EPC2: variants seen among roughly 807,000 people sequenced by gnomAD.
EPC2 encodes the protein enhancer of polycomb 2.
Under a neutral mutation model 92.1 loss-of-function variants are expected in EPC2, and 14 were observed. That is an observed-to-expected ratio of 0.15 (90% confidence interval 0.10 to 0.24). EPC2 has a LOEUF of 0.24. Ranked by LOEUF, EPC2 falls within the 10% of genes least tolerant of loss-of-function variation. The probability of loss-of-function intolerance (pLI) is 1.00; values close to 1 mark genes in which losing one functional copy is unlikely to be tolerated. For synonymous variants in EPC2, 340 were observed against 334.7 expected, an observed-to-expected ratio of 1.02 and a Z score of -0.17; for missense variants, 755 against 971.5, an observed-to-expected ratio of 0.78 and a Z score of 2.96.
intron 2 of EPC2, chr2:148,691,408 C>G (rs534722595): frequency 9.2e-7 from 1 of 1,090,086 alleles, no homozygotes. Flanking sequence ...ATGAGAATCT[C>G]TGGGTGTGAA....
chr2:148,781,073 T>A (rs1382503546), intron 10 of EPC2, among the ~76,000 whole-genome samples: 1 of 152,184 alleles, frequency 6.6e-6, no homozygotes, highest in African/African-American at 2.4e-5. Context: ...TAGCCCATAT[T>A]TTTATAGATG....
intron 1 of EPC2, among the ~76,000 whole-genome samples, chr2:148,683,067 A>G (rs1383032090): frequency 6.6e-6 from 1 of 151,888 alleles, no homozygotes; most frequent in Non-Finnish European, 1.5e-5. Context: ...AATATATCAC[A>G]AGGATCTTAA....
chr2:148,675,332 A>G (rs953392749), intron 1 of EPC2, among the ~76,000 whole-genome samples: 1 of 152,116 alleles, frequency 6.6e-6, no homozygotes, highest in African/African-American at 2.4e-5. Context: ...GTATCCCTAA[A>G]TGCTACTTTT....
chr2:148,752,861 T>C (rs997745727), intron 3 of EPC2, among the ~76,000 whole-genome samples: 1 of 152,156 alleles, frequency 6.6e-6, no homozygotes, highest in African/African-American at 2.4e-5. Context: ...AACATACAGG[T>C]CAATTTTTAT....
In EPC2 at chr2:148,677,892, T is replaced by C. The variant is rs200436381; in HGVS notation, c.154-12322T>C. On this transcript the variant is annotated intron_variant, in intron 1 of 13. Transcript: ENST00000258484. ...CTGCAGACCTTCACGGTGAGTGTTA[T>C]AGCTCATAAAGGCAGTGTGGACCCA... Among the ~76,000 whole-genome samples the C allele has an allele frequency of 5.6e-4, 86 of 152,264 alleles. 1 individual carries two copies. The East Asian group carries it at 9.8e-3, about 17-fold the overall frequency.
At chr2:148,710,225 G>T (rs969124122) in intron 2 of EPC2, among the ~76,000 whole-genome samples, 1 of 152,240 alleles carries the variant, frequency 6.6e-6, no homozygotes, top group Non-Finnish European at 1.5e-5. Flanking sequence ...AGATATTTAT[G>T]CAGCCAACAG....
At chr2:148,670,221 A>C (rs1229550850) in intron 1 of EPC2, among the ~76,000 whole-genome samples, 1 of 152,144 alleles carries the variant, frequency 6.6e-6, no homozygotes, top group East Asian at 1.9e-4. Context: ...CCTTCTCTTA[A>C]AGAGCACTGG....
At chr2:148,714,843 C>G (rs914321934) in intron 2 of EPC2, among the ~76,000 whole-genome samples, 22 of 152,252 alleles carry the variant, frequency 1.4e-4, no homozygotes, top group African/African-American at 5.1e-4. Context: ...AAAAGTTTCT[C>G]CCATTCTGTA....
intron 2 of EPC2, among the ~76,000 whole-genome samples, chr2:148,713,964 T>A (rs1682207944): frequency 6.6e-6 from 1 of 152,176 alleles, no homozygotes; most frequent in Non-Finnish European, 1.5e-5. Context: ...TAGTTAAACA[T>A]GTGCCATGGT....
intron 2 of EPC2, among the ~76,000 whole-genome samples, chr2:148,704,873 G>A (rs1373545980): frequency 1.3e-5 from 2 of 151,828 alleles, no homozygotes; most frequent in East Asian, 1.9e-4. Flanking sequence ...TGACATTAGG[G>A]ATTTTTAATG....
intron 3 of EPC2, among the ~76,000 whole-genome samples, chr2:148,747,455 A>G (rs1300519565): frequency 6.6e-6 from 1 of 151,910 alleles, no homozygotes; most frequent in Non-Finnish European, 1.5e-5. Context: ...CCAAGTCCCT[A>G]TTTCCAGGAG....
At position 148,670,813 on chromosome 2, in the gene EPC2, C is replaced by T. The variant is rs551760650; in HGVS notation, c.154-19401C>T. On this transcript the variant is annotated intron_variant, in intron 1 of 13. Transcript: ENST00000258484. ...CAACTTCCAGGCTCAAGCAATCCTT[C>T]CACCTCAGCCTCCCAAGTAGCTGGC... Among the ~76,000 whole-genome samples the T allele has an allele frequency of 9.2e-5, 14 of 152,266 alleles. No homozygotes were observed. In the South Asian group the frequency reaches 2.9e-3, roughly 32 times the overall value.
Position 148,761,824 on chromosome 2 carries a change from C to T in EPC2, c.709C>T (p.Leu237=), listed in dbSNP as rs1333261526. The T allele has an allele frequency of 6.3e-7, 1 of 1,578,424 alleles. No individual in the cohort carries two copies. The highest frequency in any genetic ancestry group is 1.4e-5 in the African/African-American group (1 of 73,288). Residue 237 remains leucine, a synonymous_variant, in exon 5 of 14, where the codon CTG becomes TTG. Transcript: ENST00000258484. The part of the protein sequence containing the change: ...DEASYEKMLK[L]RREFSRAITI... ...AGCCTCTTATGAAAAGATGTTGAAACTGAGACGAGAATTTAGTAGAGCCAT... is the reference window on the plus strand; with the variant it reads ...AGCCTCTTATGAAAAGATGTTGAAATTGAGACGAGAATTTAGTAGAGCCAT...
chr2:148,672,411 C>CT (rs1363848926), intron 1 of EPC2, among the ~76,000 whole-genome samples: 1 of 152,132 alleles, frequency 6.6e-6, no homozygotes, highest in African/African-American at 2.4e-5. Flanking sequence ...TTCATCTACT[C>CT]TATCTCTCAC....
intron 4 of EPC2, among the ~76,000 whole-genome samples, chr2:148,759,514 T>C (rs1683259823): frequency 6.6e-6 from 1 of 152,216 alleles, no homozygotes; most frequent in Admixed American, 6.5e-5. Context: ...AGTTTATATG[T>C]ATAAAGAAAT....
At chr2:148,651,887 G>A (rs1165330331) in intron 1 of EPC2, among the ~76,000 whole-genome samples, 2 of 152,100 alleles carry the variant, frequency 1.3e-5, no homozygotes, top group East Asian at 1.9e-4. Context: ...TAAGTAACTC[G>A]CCTAAGATCA....
intron 1 of EPC2, among the ~76,000 whole-genome samples, chr2:148,687,047 T>C (rs1278623478): frequency 1.3e-5 from 2 of 152,224 alleles, no homozygotes; most frequent in Non-Finnish European, 2.9e-5. Context: ...TCATCTACAT[T>C]GAAAATCTAT....
intron 2 of EPC2, among the ~76,000 whole-genome samples, chr2:148,739,870 C>T (rs1331134600): frequency 2.2e-5 from 2 of 89,190 alleles, no homozygotes; most frequent in Non-Finnish European, 4.0e-5. Context: ...GTTTACTGCT[C>T]GGTTAACTTC....
intron 5 of EPC2, 91 bp downstream of exon 5, chr2:148,762,021 AGCTTT>A: frequency 9.2e-7 from 1 of 1,089,014 alleles, no homozygotes; most frequent in Non-Finnish European, 1.3e-6. Flanking sequence ...GAACAGGTTA[AGCTTT>A]ATGACAGTTG....
Sources: allele counts gnomAD v4.1 joint callset (sites outside exome capture counted in the v4.1 genomes callset), GRCh38; gene constraint gnomAD v4.1.1; transcripts MANE v1.5; gene names NCBI Gene and HGNC (gene_info 2026-07-23, HGNC 2026-07-21).